The following FBN2 variants were observed in gnomAD, a reference collection of about 807,000 sequenced individuals.
FBN2 encodes fibrillin 2.
Under a neutral mutation model 355.6 loss-of-function variants are expected in FBN2, and 105 were observed. The ratio of observed to expected loss-of-function variants is 0.30; its 90% CI spans 0.25 to 0.35. The LOEUF (loss-of-function observed/expected upper bound fraction) is 0.35. Ranked by LOEUF, FBN2 falls within the 10% of genes least tolerant of loss-of-function variation. FBN2 has a pLI of 1.00. For synonymous variants in FBN2, 1,350 were observed against 1,301.2 expected, an observed-to-expected ratio of 1.04 and a Z score of -0.81; for missense variants, 3,280 against 3,758.7, an observed-to-expected ratio of 0.87 and a Z score of 3.33.
chr5:128,318,018 C>T, intron 36 of FBN2, 131 bp downstream of exon 36: 1 of 960,334 alleles, frequency 1.0e-6, no homozygotes, highest in Admixed American at 2.0e-5. Flanking sequence ...AAGAGAAACA[C>T]AATAAAGGCG....
Position 128,274,631 on chromosome 5 carries a change from GT to G in FBN2, c.7646del (p.Asn2549ThrfsTer62). 1 of 1,613,516 alleles carries G rather than the reference GT, an allele frequency of 6.2e-7. No homozygotes were observed. The highest frequency in any genetic ancestry group is 8.5e-7 in the Non-Finnish European group (1 of 1,179,482). Reference sequence around the variant, plus strand: ...ATTTACAGGTAAACCCCCCCAGGGTGTTGACACAGAGGAACTGGCAGTTATG... The same window carrying G: ...ATTTACAGGTAAACCCCCCCAGGGTGTGACACAGAGGAACTGGCAGTTATG... ...KQHNCQFLCV[N>X]TLGGFTCKCP... On this transcript the variant is annotated frameshift_variant, in exon 60 of 65. Coordinates refer to ENST00000262464, the MANE Select transcript of FBN2 (RefSeq NM_001999.4). LOFTEE classifies it high-confidence loss of function.
In FBN2 at chr5:128,448,465, G is replaced by A. The variant is rs75122020; in HGVS notation, c.827-1859C>T. Among the ~76,000 whole-genome samples the A allele has an allele frequency of 1.9e-3, 281 of 151,822 alleles. 1 individual carries two copies. Among genetic ancestry groups the A allele is most frequent in the Middle Eastern group, 3.4e-3 (1 of 294 alleles). On this transcript the variant is annotated intron_variant, in intron 6 of 64. Transcript: ENST00000262464. Reference sequence around the variant, plus strand: ...TGGGATTACAGGCATGCACCACCACGCCCGGCTAATTTTGTATTTTTAGTA... The same window carrying A: ...TGGGATTACAGGCATGCACCACCACACCCGGCTAATTTTGTATTTTTAGTA...
chr5:128,327,697 G>A (rs1318929198), intron 34 of FBN2, among the ~76,000 whole-genome samples: 4 of 150,940 alleles, frequency 2.7e-5, no homozygotes, highest in Non-Finnish European at 5.9e-5. Context: ...GTAGTGCAAT[G>A]GCGCAATCTT....
chr5:128,305,486 A>C, intron 44 of FBN2, 25 bp downstream of exon 44: 1 of 1,613,874 alleles, frequency 6.2e-7, no homozygotes, highest in Non-Finnish European at 8.5e-7. Flanking sequence ...CTCAGTGCCA[A>C]AGAATGAGTC....
At chr5:128,314,329 GTTTA>G (rs1240723525) in intron 36 of FBN2, among the ~76,000 whole-genome samples, 6 of 152,086 alleles carry the variant, frequency 3.9e-5, no homozygotes, top group Admixed American at 6.5e-5. Flanking sequence ...ATATTTATTT[GTTTA>G]TTTATTTTTT....
intron 5 of FBN2, among the ~76,000 whole-genome samples, chr5:128,482,905 T>C (rs143449450): frequency 2.0e-3 from 308 of 152,272 alleles, no homozygotes; most frequent in Non-Finnish European, 3.6e-3. Flanking sequence ...AACAAGGTCA[T>C]GACAGTGCTA....
intron 31 of FBN2, among the ~76,000 whole-genome samples, chr5:128,334,241 G>A (rs1026820102): frequency 3.9e-5 from 6 of 152,038 alleles, no homozygotes; most frequent in African/African-American, 1.4e-4. Flanking sequence ...AAACAGAAGA[G>A]CAAACAAGAA....
At position 128,345,668 on chromosome 5, in the gene FBN2, G is replaced by C. The variant is rs368238586; in HGVS notation, c.2990-84C>G. On this transcript the variant is annotated intron_variant, in intron 23 of 64. Transcript: ENST00000262464. ...CATGTCAAGCGTCTGCTCAGCACCAGGCATCATGCAGGACCCTTGCGGTGT... is the reference window on the plus strand; with the variant it reads ...CATGTCAAGCGTCTGCTCAGCACCACGCATCATGCAGGACCCTTGCGGTGT... The C allele has an allele frequency of 3.7e-5, 47 of 1,263,146 alleles. No homozygotes were observed. The African/African-American group carries it at 6.3e-4, about 17-fold the overall frequency. The allele number at this position is 1,263,146 out of a possible 1,614,324, so 78.2% of individuals were successfully genotyped here. A position where few individuals can be genotyped will look rare whatever the true frequency, so the allele number is the denominator to read the frequency against.
At chr5:128,264,605 G>C (rs917862324) in intron 62 of FBN2, among the ~76,000 whole-genome samples, 2 of 152,220 alleles carry the variant, frequency 1.3e-5, no homozygotes, top group African/African-American at 2.4e-5. Flanking sequence ...CATGTGGCTT[G>C]ACTTCTTTGG....
At chr5:128,344,889 C>CG (rs1751129185) in intron 24 of FBN2, among the ~76,000 whole-genome samples, 1 of 151,204 alleles carries the variant, frequency 6.6e-6, no homozygotes, top group African/African-American at 2.4e-5. Flanking sequence ...TTAGTAGAGA[C>CG]GGGGTTTCAC....
chr5:128,472,694 G>C (rs1414649950), intron 5 of FBN2, among the ~76,000 whole-genome samples: 1 of 151,952 alleles, frequency 6.6e-6, no homozygotes, highest in African/African-American at 2.4e-5. Flanking sequence ...GGGAGGCTGA[G>C]GCAGGAGAAT....
intron 11 of FBN2, among the ~76,000 whole-genome samples, chr5:128,388,162 C>T (rs1561431690): frequency 6.6e-6 from 1 of 152,182 alleles, no homozygotes; most frequent in Non-Finnish European, 1.5e-5. Flanking sequence ...AGAATAGCAA[C>T]TCCCACTGTT....
At chr5:128,305,475 G>A in intron 44 of FBN2, 36 bp downstream of exon 44, 2 of 1,612,302 alleles carry the variant, frequency 1.2e-6, no homozygotes, top group Non-Finnish European at 1.7e-6. Flanking sequence ...GGAATCTTGT[G>A]CTCAGTGCCA....
In FBN2 at chr5:128,314,596, G is replaced by GT. The variant is rs1193459803; in HGVS notation, c.4718-1802dup. Among the ~76,000 whole-genome samples the GT allele has an allele frequency of 3.9e-5, 6 of 152,218 alleles. No individual in the cohort carries two copies. The East Asian group carries it at 1.2e-3, about 29-fold the overall frequency. On this transcript the variant is annotated intron_variant, in intron 36 of 64. Coordinates refer to ENST00000262464, the MANE Select transcript of FBN2 (RefSeq NM_001999.4). ...CTCCCAAAGTGCTGGAGTAACAGGC[G>GT]TGAGCCACCACGCCCAGCCTAATTA... is the stretch of plus-strand genomic sequence containing the variant.
chr5:128,310,188 C>T, intron 39 of FBN2, 80 bp from the exon 40 acceptor site: 1 of 1,226,082 alleles, frequency 8.2e-7, no homozygotes, highest in South Asian at 1.3e-5. Flanking sequence ...CTGAACAAAG[C>T]ATAGGTGATT....
intron 14 of FBN2, among the ~76,000 whole-genome samples, chr5:128,375,929 T>C (rs1431420500): frequency 6.6e-6 from 1 of 151,966 alleles, no homozygotes; most frequent in African/African-American, 2.4e-5. Context: ...TCCCAGCTAC[T>C]TGGGAGGCTG....
chr5:128,507,079 G>T (rs2127147270), intron 5 of FBN2, among the ~76,000 whole-genome samples: 1 of 151,888 alleles, frequency 6.6e-6, no homozygotes, highest in East Asian at 1.9e-4. Context: ...AGGTAATTTG[G>T]CCTCACAGAA....
At chr5:128,307,337 T>C (rs1749910935) in intron 41 of FBN2, 134 bp from the exon 42 acceptor site, 1 of 681,156 alleles carries the variant, frequency 1.5e-6, no homozygotes, top group African/African-American at 1.8e-5. Context: ...TTATATTTAT[T>C]TGATAGCAAT....
At position 128,413,931 on chromosome 5, in the gene FBN2, T is replaced by A. The variant is rs1433679285; in HGVS notation, c.953-5132A>T. 4.6e-5 allele frequency among the ~76,000 whole-genome samples: 7 copies of A among 152,296 alleles called. No individual in the cohort carries two copies. The East Asian group carries it at 1.3e-3, about 29-fold the overall frequency. ...GAACTTCCACTTATTCGTATACTGT[T>A]TGACACTAGGAAAATTCATGATTGA... On this transcript the variant is annotated intron_variant, in intron 7 of 64. Transcript: ENST00000262464.
Sources: gnomAD v4.1 joint callset for allele counts (sites outside exome capture counted in the v4.1 genomes callset) on GRCh38, gnomAD v4.1.1 for gene constraint, MANE v1.5 for transcripts, NCBI Gene and HGNC (gene_info 2026-07-23, HGNC 2026-07-21) for gene names.